SIPA1L3: variants seen among roughly 807,000 people sequenced by gnomAD.
SIPA1L3 encodes the protein signal induced proliferation associated 1 like 3.
In SIPA1L3, 59 loss-of-function variants were observed where a neutral mutation model predicts 150.1. The observed-to-expected ratio is 0.39, with a 90% CI of 0.32 to 0.49. The LOEUF (loss-of-function observed/expected upper bound fraction) is 0.49. Among genes scored for constraint, SIPA1L3 ranks in the 20% least tolerant of loss-of-function variants. SIPA1L3 has a pLI of 0.86. For synonymous variants in SIPA1L3, 1,070 were observed against 1,077.6 expected (o/e 0.99, Z 0.14); for missense variants, 2,211 against 2,489.5 (o/e 0.89, Z 2.38).
intron 16 of SIPA1L3, among the ~76,000 whole-genome samples, chr19:38,184,186 C>T (rs946019220): frequency 1.3e-5 from 2 of 150,926 alleles, no homozygotes; most frequent in African/African-American, 4.9e-5. Flanking sequence ...CACCCCACCC[C>T]TTTTTTTTTG....
In SIPA1L3 at chr19:38,111,995, C is replaced by T. The variant is rs369668336; in HGVS notation, c.2291+1611C>T. The stretch of plus-strand genomic sequence containing the variant: ...CACACACATGCACACAGGCACACAC[C>T]TGCACACAGGCACACACATGCACAC... On this transcript the variant is annotated intron_variant, in intron 8 of 21. Transcript: ENST00000222345. Among the ~76,000 whole-genome samples the T allele has an allele frequency of 8.8e-4, 123 of 140,020 alleles. 3 individuals are homozygous for T. In the East Asian group the frequency reaches 0.018, roughly 20 times the overall value. The allele number at this position is 140,020 out of a possible 152,430, so 91.9% of individuals were successfully genotyped here.
intron 8 of SIPA1L3, among the ~76,000 whole-genome samples, chr19:38,116,541 A>G (rs1243626301): frequency 2.8e-5 from 4 of 143,792 alleles, no homozygotes; most frequent in South Asian, 2.2e-4. Flanking sequence ...AAAAAAAAAA[A>G]GAAAGAAAGA....
chr19:37,993,021 G>C (rs976982592), intron 1 of SIPA1L3, among the ~76,000 whole-genome samples: 2 of 152,168 alleles, frequency 1.3e-5, no homozygotes, highest in African/African-American at 4.8e-5. Flanking sequence ...TGTCAGGCAC[G>C]GTGCTAAGCA....
intron 13 of SIPA1L3, among the ~76,000 whole-genome samples, chr19:38,159,076 A>G (rs984522974): frequency 2.0e-5 from 3 of 152,246 alleles, no homozygotes; most frequent in Non-Finnish European, 4.4e-5. Context: ...GTGTATAAAA[A>G]TGCCCCAAAG....
intron 1 of SIPA1L3, among the ~76,000 whole-genome samples, chr19:37,936,551 C>A (rs559679656): frequency 1.8e-4 from 28 of 152,340 alleles, no homozygotes; most frequent in African/African-American, 5.1e-4. Context: ...AAGGGCTTAC[C>A]TTGTGTAGAG....
chr19:38,065,915 CTATTTATT>C lies in SIPA1L3; in HGVS notation c.-310-15315_-310-15308del, dbSNP rs56132149. ...CGGGTTTGATCTCTTATTTATTTAT[CTATTTATT>C]TATTTATTTATTTATTTATTTATTT... On this transcript the variant is annotated intron_variant, in intron 2 of 21. Transcript: ENST00000222345. Among the ~76,000 whole-genome samples, 32 of 127,702 alleles carry C rather than the reference CTATTTATT, an allele frequency of 2.5e-4. No homozygotes were observed. In the South Asian group the frequency reaches 4.7e-3, roughly 19 times the overall value. The allele number at this position is 127,702 out of a possible 152,430, so 83.8% of individuals were successfully genotyped here.
At chr19:38,112,238 C>G (rs1970780130) in intron 8 of SIPA1L3, among the ~76,000 whole-genome samples, 2 of 150,934 alleles carry the variant, frequency 1.3e-5, no homozygotes, top group South Asian at 4.2e-4. Flanking sequence ...ATGCACACAC[C>G]TGCACTCACA....
chr19:37,998,771 G>C (rs991736743), intron 1 of SIPA1L3, among the ~76,000 whole-genome samples: 16 of 152,170 alleles, frequency 1.1e-4, no homozygotes, highest in Non-Finnish European at 2.4e-4. Flanking sequence ...GGAAGACAGA[G>C]TGAGACCCTG....
intron 1 of SIPA1L3, among the ~76,000 whole-genome samples, chr19:38,020,854 C>T (rs1968358533): frequency 6.6e-6 from 1 of 152,066 alleles, no homozygotes; most frequent in African/African-American, 2.4e-5. Flanking sequence ...GTCGCCCAGG[C>T]TGGAGTGCAG....
chr19:37,943,911 G>A (rs2046685230), intron 1 of SIPA1L3, among the ~76,000 whole-genome samples: 1 of 152,076 alleles, frequency 6.6e-6, no homozygotes, highest in Admixed American at 6.6e-5. Context: ...TTTTAAAAGT[G>A]TTTTTAAAAA....
chr19:38,065,470 C>T (rs11671040), intron 2 of SIPA1L3, among the ~76,000 whole-genome samples: 59,420 of 147,420 alleles, frequency 0.4, 12,575 homozygotes, highest in East Asian at 0.65. Context: ...GGCTGGAGTA[C>T]AGTGGTGCGA....
intron 1 of SIPA1L3, among the ~76,000 whole-genome samples, chr19:37,943,174 C>G (rs1378352905): frequency 6.6e-6 from 1 of 151,962 alleles, no homozygotes; most frequent in Non-Finnish European, 1.5e-5. Context: ...TCTGCCTGGC[C>G]AAGAGCTGAG....
chr19:38,081,994 G>T lies in SIPA1L3; in HGVS notation c.429G>T (p.Arg143Ser), dbSNP rs942918338. 9.3e-6 allele frequency: 15 copies of T among 1,614,072 alleles called. No homozygotes were observed. The highest frequency in any genetic ancestry group is 1.3e-5 in the Non-Finnish European group (15 of 1,180,014). The change falls in exon 3 of 22, where the codon AGG becomes AGT. Residue 143 changes from arginine (R) to serine (S), a missense_variant. By Grantham distance (110) the Arg-to-Ser change is moderately radical. Transcript: ENST00000222345. ...SGSKAFHRLSRRRSKDVEFQD... is the reference protein window; with the variant it reads ...SGSKAFHRLSSRRSKDVEFQD... ...CCAAAGCCTTCCACCGACTCTCCAG[G>T]AGAAGGTCCAAAGACGTGGAGTTCC...
chr19:38,071,235 A>ATCTATCTGTCTG (rs1568532244), intron 2 of SIPA1L3, among the ~76,000 whole-genome samples: 1 of 151,540 alleles, frequency 6.6e-6, no homozygotes, highest in African/African-American at 2.4e-5. Flanking sequence ...CTATCTATCT[A>ATCTATCTGTCTG]TCTATCTATC....
chr19:38,178,086 GGTGTGT>G (rs765404105), intron 15 of SIPA1L3, among the ~76,000 whole-genome samples: 5,246 of 130,894 alleles, frequency 0.04, 125 homozygotes, highest in Non-Finnish European at 0.049. Context: ...GCAGGCTTTT[GGTGTGT>G]GTGTGTGTGT....
Position 38,082,280 on chromosome 19 carries a change from A to C in SIPA1L3, c.715A>C (p.Thr239Pro). The stretch of plus-strand genomic sequence containing the variant: ...CGACGCCCGAGGGTGCCAGGCCCTC[A>C]CCGAGCTCCTCCGGGCAGATCCTGG... Reference protein sequence around the residue: ...QPDARGCQALTELLRADPGPH... With the variant: ...QPDARGCQALPELLRADPGPH... Residue 239 changes from threonine to proline, a missense_variant, in exon 3 of 22, where the codon ACC becomes CCC. By Grantham distance (38) the Thr-to-Pro change is conservative. Coordinates refer to ENST00000222345, the MANE Select transcript of SIPA1L3 (RefSeq NM_015073.3). The C allele has an allele frequency of 6.2e-7, 1 of 1,600,112 alleles. No individual in the cohort carries two copies. The highest frequency in any genetic ancestry group is 8.5e-7 in the Non-Finnish European group (1 of 1,179,634).
At chr19:38,106,514 C>T (rs990844251) in intron 6 of SIPA1L3, 23 bp from the exon 7 acceptor site, 1 of 1,524,584 alleles carries the variant, frequency 6.6e-7, no homozygotes, top group Non-Finnish European at 9.1e-7. Flanking sequence ...GAAACATGGT[C>T]CTAACTGGCA....
chr19:38,173,842 C>T (rs767257622), intron 15 of SIPA1L3, among the ~76,000 whole-genome samples: 30 of 152,018 alleles, frequency 2.0e-4, no homozygotes, highest in Non-Finnish European at 1.2e-4. Flanking sequence ...ATCTGCAGGG[C>T]GGGGAGCAGT....
chr19:38,152,101 G>A (rs1971837046), intron 12 of SIPA1L3, among the ~76,000 whole-genome samples: 1 of 152,090 alleles, frequency 6.6e-6, no homozygotes, highest in Admixed American at 6.5e-5. Context: ...TCTGTCTAGG[G>A]GATAACTTTA....
Sources: allele counts gnomAD v4.1 joint callset (sites outside exome capture counted in the v4.1 genomes callset), GRCh38; gene constraint gnomAD v4.1.1; transcripts MANE v1.5; gene names NCBI Gene and HGNC (gene_info 2026-07-23, HGNC 2026-07-21).